ABLIM1: variants seen among roughly 807,000 people sequenced by gnomAD.
ABLIM1 encodes the protein actin binding LIM protein 1.
Under a neutral mutation model 107.0 loss-of-function variants are expected in ABLIM1, and 40 were observed. The ratio of observed to expected loss-of-function variants is 0.37; its 90% CI spans 0.29 to 0.49. The LOEUF is 0.49. ABLIM1 is among the 20% of genes least tolerant of loss of function. The pLI, the probability that ABLIM1 is intolerant of heterozygous loss-of-function variation, is 0.97. For missense variants in ABLIM1, 857 were observed against 1,008.5 expected (o/e 0.85, Z 2.04); for synonymous variants, 357 against 357.3 (o/e 1.00, Z 0.01).
At chr10:114,615,582 A>T (rs769163716) in intron 1 of ABLIM1, 17 of 470,914 alleles carry the variant, frequency 3.6e-5, no homozygotes, top group African/African-American at 3.1e-4. Context: ...GTCTGGCACC[A>T]TTGTATGCAC....
rs551348492 is a variant in ABLIM1, at chr10:114,738,110, G to A, written c.-213+29951C>T. ...GTCGCCCAGACTGGAGTGCAGTGGC[G>A]CGATCTTGGCTCACAGCAATGTCCG... On this transcript the variant is annotated intron_variant, in intron 1 of 15. Transcript: ENST00000651092. 8.5e-4 allele frequency among the ~76,000 whole-genome samples: 130 copies of A among 152,168 alleles called. 3 individuals carry two copies. In the South Asian group the frequency reaches 0.019, roughly 23 times the overall value.
chr10:114,598,350 G>A (rs980731215), intron 2 of ABLIM1, among the ~76,000 whole-genome samples: 1 of 151,128 alleles, frequency 6.6e-6, no homozygotes, highest in Admixed American at 6.6e-5. Context: ...GCTTTGGGAG[G>A]CCAAGGCAGG....
chr10:114,450,933 A>T (rs1014442659), intron 14 of ABLIM1, among the ~76,000 whole-genome samples: 1 of 152,234 alleles, frequency 6.6e-6, no homozygotes, highest in South Asian at 2.1e-4. Context: ...TGTGATTTAC[A>T]TAAAGTCATG....
intron 1 of ABLIM1, among the ~76,000 whole-genome samples, chr10:114,730,194 T>A (rs1328256295): frequency 6.6e-6 from 1 of 151,996 alleles, no homozygotes; most frequent in African/African-American, 2.4e-5. Context: ...GGTCAGGAGT[T>A]CCAGACCAGC....
chr10:114,613,638 G>C (rs762157378), intron 1 of ABLIM1: 2 of 1,311,732 alleles, frequency 1.5e-6, no homozygotes, highest in Non-Finnish European at 2.0e-6. Context: ...TGTGAATAAA[G>C]ACACAAACCT....
intron 2 of ABLIM1, among the ~76,000 whole-genome samples, chr10:114,594,190 C>T (rs1223831746): frequency 1.3e-5 from 2 of 152,224 alleles, no homozygotes; most frequent in African/African-American, 4.8e-5. Flanking sequence ...CATATCCAGT[C>T]TGTCCCTGTG....
At chr10:114,539,289 TG>T (rs573290403) in intron 6 of ABLIM1, among the ~76,000 whole-genome samples, 66 of 152,106 alleles carry the variant, frequency 4.3e-4, no homozygotes, top group Admixed American at 9.8e-4. Context: ...ACCCAGGAGG[TG>T]GGGGGTGCAG....
At chr10:114,441,471 G>C (rs1419056254) in intron 18 of ABLIM1, among the ~76,000 whole-genome samples, 3 of 152,036 alleles carry the variant, frequency 2.0e-5, no homozygotes, top group African/African-American at 7.2e-5. Flanking sequence ...ATACAGTTTT[G>C]CAATTTAGTT....
intron 3 of ABLIM1, among the ~76,000 whole-genome samples, chr10:114,574,789 T>C (rs964169748): frequency 6.6e-6 from 1 of 152,170 alleles, no homozygotes; most frequent in Non-Finnish European, 1.5e-5. Flanking sequence ...AGATACAACC[T>C]TGGTAGATGA....
At position 114,494,507 on chromosome 10, in the gene ABLIM1, C is replaced by G. The variant is rs535989604; in HGVS notation, c.895-2629G>C. ...CTGAGATCATGCCACTGCACTCCAG[C>G]CTGGGTGACAGAGCAAGAGTCCATC... On this transcript the variant is annotated intron_variant, in intron 6 of 22. Coordinates refer to ENST00000533213, the MANE Select transcript of ABLIM1 (RefSeq NM_002313.7). Among the ~76,000 whole-genome samples, 8 of 152,248 alleles carry G rather than the reference C, an allele frequency of 5.3e-5. 1 individual carries two copies. In the South Asian group the frequency reaches 1.7e-3, roughly 32 times the overall value.
At chr10:114,475,486 G>A (rs901362904) in intron 8 of ABLIM1, among the ~76,000 whole-genome samples, 3 of 152,132 alleles carry the variant, frequency 2.0e-5, no homozygotes, top group African/African-American at 4.8e-5. Context: ...CCCTCATAGA[G>A]TTTATTTTTT....
At chr10:114,753,179 AT>A in intron 1 of ABLIM1, among the ~76,000 whole-genome samples, 1 of 152,288 alleles carries the variant, frequency 6.6e-6, no homozygotes, top group African/African-American at 2.4e-5. Flanking sequence ...CATCTATAAT[AT>A]TTTATAGTGC....
intron 1 of ABLIM1, among the ~76,000 whole-genome samples, chr10:114,701,903 C>T (rs2081314356): frequency 1.3e-5 from 2 of 152,036 alleles, no homozygotes; most frequent in African/African-American, 4.8e-5. Flanking sequence ...GCCTTAAAAA[C>T]AACTGTTAAA....
At chr10:114,608,374 T>C (rs2076569006) in intron 1 of ABLIM1, among the ~76,000 whole-genome samples, 1 of 149,288 alleles carries the variant, frequency 6.7e-6, no homozygotes, top group Non-Finnish European at 1.5e-5. Context: ...CCAAAATAAA[T>C]AAATAAATAA....
chr10:114,739,114 A>G (rs1448861470), intron 1 of ABLIM1, among the ~76,000 whole-genome samples: 1 of 152,232 alleles, frequency 6.6e-6, no homozygotes, highest in Non-Finnish European at 1.5e-5. Flanking sequence ...TTGGATTTTA[A>G]TGCTTTGAAC....
At chr10:114,749,450 CCACACACACACA>C (rs151201319) in intron 1 of ABLIM1, among the ~76,000 whole-genome samples, 2 of 141,488 alleles carry the variant, frequency 1.4e-5, no homozygotes, top group African/African-American at 5.1e-5. Flanking sequence ...AACACACACA[CCACACACACACA>C]CACACACACA....
At chr10:114,780,946 A>G in the ABLIM1 span, among the ~76,000 whole-genome samples, 6 of 152,164 alleles carry the variant, frequency 3.9e-5, no homozygotes, top group Non-Finnish European at 7.3e-5. Flanking sequence ...GTTTGGGAAG[A>G]AGTAGAAAGC....
chr10:114,672,971 A>G (rs1406312600), intron 1 of ABLIM1, among the ~76,000 whole-genome samples: 1 of 152,128 alleles, frequency 6.6e-6, no homozygotes, highest in Non-Finnish European at 1.5e-5. Context: ...ATATTTTAAA[A>G]AATCAGCCGG....
In ABLIM1 at chr10:114,552,396, C is replaced by A. The variant is rs528829581; in HGVS notation, c.674-4620G>T. Among the ~76,000 whole-genome samples, 7 of 151,120 alleles carry A rather than the reference C, an allele frequency of 4.6e-5. No individual in the cohort carries two copies. The East Asian group carries it at 9.7e-4, about 21-fold the overall frequency. Reference sequence around the variant, plus strand: ...TGATTGGCATTGGAATTATTGCCAACGTCAGAAGTAGGTGAATATGCAGTG... The same window carrying A: ...TGATTGGCATTGGAATTATTGCCAAAGTCAGAAGTAGGTGAATATGCAGTG... On this transcript the variant is annotated intron_variant, in intron 4 of 22. Coordinates refer to ENST00000533213, the MANE Select transcript of ABLIM1 (RefSeq NM_002313.7).
Sources: gnomAD v4.1 joint callset for allele counts (sites outside exome capture counted in the v4.1 genomes callset) on GRCh38, gnomAD v4.1.1 for gene constraint, MANE v1.5 for transcripts, NCBI Gene and HGNC (gene_info 2026-07-23, HGNC 2026-07-21) for gene names.